Variants in CFAP161 observed in about 807,000 individuals in gnomAD.
CFAP161 encodes the protein cilia- and flagella-associated protein 161.
A neutral mutation model predicts 29.0 loss-of-function variants in CFAP161; 25 were observed. The observed-to-expected ratio is 0.86, with a 90% CI of 0.63 to 1.20. The LOEUF is 1.20. Among genes scored for constraint, CFAP161 ranks in the 50% most tolerant of loss-of-function variants. The probability of loss-of-function intolerance (pLI) is 0.00; values close to 1 mark genes in which losing one functional copy is unlikely to be tolerated. For missense variants in CFAP161, 367 were observed against 371.9 expected (o/e 0.99, Z 0.11); for synonymous variants, 116 against 137.4 (o/e 0.84, Z 1.09).
upstream of CFAP161, among the ~76,000 whole-genome samples, chr15:81,131,416 A>G (rs1203888025): frequency 6.6e-6 from 1 of 152,204 alleles, no homozygotes; most frequent in Non-Finnish European, 1.5e-5. Flanking sequence ...AAGGGATACC[A>G]TGATTAAAGA....
chr15:81,101,354 C>A (rs1329749462), intron 1 of CFAP161, among the ~76,000 whole-genome samples: 1 of 151,424 alleles, frequency 6.6e-6, no homozygotes, highest in Non-Finnish European at 1.5e-5. Context: ...TGGTGAAACC[C>A]TGACTCTATT....
At chr15:81,105,402 A>C (rs7179305) in intron 1 of CFAP161, among the ~76,000 whole-genome samples, 83,544 of 131,198 alleles carry the variant, frequency 0.64, 27,224 homozygotes, top group Non-Finnish European at 0.76. Flanking sequence ...CCCTTCCTCC[A>C]TTCTTCCCTC....
chr15:81,114,533 A>C (rs969907127), intron 1 of CFAP161, among the ~76,000 whole-genome samples: 1 of 152,208 alleles, frequency 6.6e-6, no homozygotes, highest in Non-Finnish European at 1.5e-5. Flanking sequence ...TTCACATGTC[A>C]ATCTAAACAA....
chr15:81,116,459 A>G (rs565500136), intron 1 of CFAP161, among the ~76,000 whole-genome samples: 1 of 152,154 alleles, frequency 6.6e-6, no homozygotes, highest in South Asian at 2.1e-4. Context: ...ACGCCCAGCT[A>G]ATTTTTTTTG....
Position 81,134,396 on chromosome 15 carries a change from G to A in CFAP161, c.67G>A (p.Glu23Lys), listed in dbSNP as rs773407207. The A allele has an allele frequency of 3.8e-6, 6 of 1,581,792 alleles. No individual in the cohort carries two copies. The highest frequency in any genetic ancestry group is 4.3e-6 in the Non-Finnish European group (5 of 1,164,576). The stretch of plus-strand genomic sequence containing the variant: ...CTGGAATGAGGATGTCTACCTGGAG[G>A]AGGTACGCAGGGTGTGGCCAGGCGC... ...GNWNEDVYLE[E>K]ELMKDFLEKR... is the part of the protein sequence containing the mutation. Residue 23 changes from glutamate (E) to lysine (K), a missense_variant and splice_region_variant, in exon 1 of 7, where the codon GAG (glutamate) becomes AAG (lysine). Transcript: ENST00000286732.
chr15:81,107,515 C>T (rs151169795), intron 1 of CFAP161, among the ~76,000 whole-genome samples: 4 of 152,110 alleles, frequency 2.6e-5, no homozygotes, highest in African/African-American at 4.8e-5. Flanking sequence ...CACCTGAGGT[C>T]GGGACTTTGA....
chr15:81,132,178 G>A (rs1894720820), upstream of CFAP161, among the ~76,000 whole-genome samples: 1 of 152,192 alleles, frequency 6.6e-6, no homozygotes, highest in African/African-American at 2.4e-5. Context: ...TCAGGAGGCT[G>A]AGGCATGAGA....
At chr15:81,100,075 G>A (rs1894285325) in intron 1 of CFAP161, among the ~76,000 whole-genome samples, 1 of 151,616 alleles carries the variant, frequency 6.6e-6, no homozygotes, top group South Asian at 2.1e-4. Context: ...AGTGTTATAA[G>A]AGGAGAAAAT....
intron 5 of CFAP161, among the ~76,000 whole-genome samples, chr15:81,146,831 A>AACAT (rs1399613410): frequency 2.8e-5 from 2 of 70,594 alleles, no homozygotes; most frequent in East Asian, 7.5e-4. Flanking sequence ...GATAGCTACA[A>AACAT]ATATATATAT....
chr15:81,146,401 T>C (rs1567161067), intron 5 of CFAP161, among the ~76,000 whole-genome samples: 1 of 152,294 alleles, frequency 6.6e-6, no homozygotes, highest in East Asian at 1.9e-4. Flanking sequence ...AGAAAGCCAT[T>C]GCTTATCATT....
chr15:81,102,735 G>T (rs1894317844), intron 1 of CFAP161, among the ~76,000 whole-genome samples: 1 of 152,154 alleles, frequency 6.6e-6, no homozygotes, highest in African/African-American at 2.4e-5. Flanking sequence ...AGGGCAGGCT[G>T]GTATCTGTGG....
Position 81,117,710 on chromosome 15 carries a change from A to G in CFAP161, c.-141-9880A>G, listed in dbSNP as rs1375342621. ...CGCTTTCTTCCTCCTCTTCATCCTC[A>G]TCTTCATCCTCATCCATCTTCATCT... On this transcript the variant is annotated intron_variant, in intron 1 of 4. Transcript: ENST00000560091. 6.5e-6 allele frequency: 2 copies of G among 305,448 alleles called. 1 individual carries two copies. Among genetic ancestry groups the G allele is most frequent in the South Asian group, 7.0e-5 (2 of 28,756 alleles). 18.9% of individuals were successfully genotyped at this position (305,448 alleles called of 1,614,324 possible).
intron 1 of CFAP161, 25 bp downstream of exon 1, chr15:81,134,423 G>A (rs1240001142): frequency 6.4e-7 from 1 of 1,567,334 alleles, no homozygotes; most frequent in South Asian, 1.2e-5. Flanking sequence ...GCCAGGCGCA[G>A]ACCCGCAGCT....
chr15:81,136,503 A>C lies in CFAP161; in HGVS notation c.160-13A>C. 1 of 1,611,862 alleles carries C rather than the reference A, an allele frequency of 6.2e-7. No individual in the cohort carries two copies. The highest frequency in any genetic ancestry group is 1.7e-4 in the Middle Eastern group (1 of 6,058). On this transcript the variant is annotated splice_polypyrimidine_tract_variant and intron_variant, in intron 2 of 6. Transcript: ENST00000286732. The stretch of plus-strand genomic sequence containing the variant: ...TGCATGGTTTATGTAATAAACTACT[A>C]TCAAAATTGTAGATGCAACTTTCCG...
At chr15:81,126,653 C>A (rs764204801) in intron 1 of CFAP161, among the ~76,000 whole-genome samples, 15 of 151,964 alleles carry the variant, frequency 9.9e-5, no homozygotes, top group Non-Finnish European at 1.3e-4. Context: ...GATCTGAGAG[C>A]CTAATTTTTA....
upstream of CFAP161, among the ~76,000 whole-genome samples, chr15:81,133,203 ATATATATATATATATATATATGTATTTT>A (rs1894739135): frequency 5.2e-5 from 3 of 57,968 alleles, no homozygotes; most frequent in Non-Finnish European, 1.1e-4. Flanking sequence ...ATATATATAT[ATATATATATATATATATATATGTATTTT>A]TTTTTAAATT....
chr15:81,116,741 G>C (rs1225866828), intron 1 of CFAP161, among the ~76,000 whole-genome samples: 1 of 152,148 alleles, frequency 6.6e-6, no homozygotes, highest in African/African-American at 2.4e-5. Context: ...CCGAGCATGA[G>C]GCTTGTTTCT....
rs964463136 is a variant in CFAP161 at position 81,102,573 on chromosome 15, T to C, written c.-141-25017T>C. Among the ~76,000 whole-genome samples, 4 of 151,860 alleles carry C rather than the reference T, an allele frequency of 2.6e-5. No homozygotes were observed. In the East Asian group the frequency reaches 7.7e-4, roughly 29 times the overall value. On this transcript the variant is annotated intron_variant, in intron 1 of 4. Coordinates refer to the CFAP161 transcript ENST00000560091. ...ATTTCAGCTACTTCAGAGGCAGAGG[T>C]AGAAGGGTTGCTTGAGTCCAGGAGG...
intron 1 of CFAP161, among the ~76,000 whole-genome samples, chr15:81,123,803 G>A (rs1481469696): frequency 2.0e-5 from 3 of 152,130 alleles, no homozygotes; most frequent in Non-Finnish European, 2.9e-5. Context: ...TGTGGCAATT[G>A]TGAATGAGAC....
Sources: gnomAD v4.1 joint callset for allele counts (sites outside exome capture counted in the v4.1 genomes callset) on GRCh38, gnomAD v4.1.1 for gene constraint, MANE v1.5 for transcripts, NCBI Gene and HGNC (gene_info 2026-07-23, HGNC 2026-07-21) for gene names.